The following DLG2 variants were observed in gnomAD, a reference collection of about 807,000 sequenced individuals.
DLG2 encodes the protein discs large MAGUK scaffold protein 2, also known as disks large homolog 2.
Under a neutral mutation model 132.5 loss-of-function variants are expected in DLG2, and 45 were observed. The ratio of observed to expected loss-of-function variants is 0.34; its 90% CI spans 0.27 to 0.44. The LOEUF is 0.44. Among genes scored for constraint, DLG2 ranks in the 20% least tolerant of loss-of-function variants. The probability of loss-of-function intolerance (pLI) is 1.00; values close to 1 mark genes in which losing one functional copy is unlikely to be tolerated. For missense variants in DLG2, 1,045 were observed against 1,196.9 expected (o/e 0.87, Z 1.87); for synonymous variants, 424 against 419.6 (o/e 1.01, Z -0.13).
chr11:85,338,917 C>A (rs1295784096), intron 3 of DLG2, among the ~76,000 whole-genome samples: 1 of 152,016 alleles, frequency 6.6e-6, no homozygotes, highest in African/African-American at 2.4e-5. Flanking sequence ...TGGTCTCAAT[C>A]TCCTGACCTC....
chr11:84,669,531 A>G (rs753601515), intron 6 of DLG2, among the ~76,000 whole-genome samples: 3 of 152,024 alleles, frequency 2.0e-5, no homozygotes, highest in Non-Finnish European at 4.4e-5. Context: ...AAACTCCTTC[A>G]CTTCTTTTGA....
At chr11:85,387,779 AT>A (rs1386243579) in intron 3 of DLG2, among the ~76,000 whole-genome samples, 1 of 152,216 alleles carries the variant, frequency 6.6e-6, no homozygotes, top group East Asian at 1.9e-4. Context: ...TAAAATCTTT[AT>A]CTTTAAAAGT....
intron 6 of DLG2, among the ~76,000 whole-genome samples, chr11:84,959,903 G>A (rs1201889472): frequency 6.6e-6 from 1 of 152,082 alleles, no homozygotes; most frequent in Non-Finnish European, 1.5e-5. Context: ...AAAAAAAACT[G>A]GTTAAGTAAA....
At chr11:84,974,971 A>G (rs188441338) in intron 6 of DLG2, among the ~76,000 whole-genome samples, 8 of 152,350 alleles carry the variant, frequency 5.3e-5, no homozygotes, top group Non-Finnish European at 5.9e-5. Context: ...TGTGTCAGAT[A>G]TTATTCTCAG....
At chr11:83,865,520 GAA>G (rs1248203465) in intron 16 of DLG2, among the ~76,000 whole-genome samples, 1 of 151,860 alleles carries the variant, frequency 6.6e-6, no homozygotes, top group African/African-American at 2.4e-5. Flanking sequence ...AAGACTAAGA[GAA>G]AGGAGGAGGA....
chr11:84,279,237 A>T (rs2097824511), intron 7 of DLG2, among the ~76,000 whole-genome samples: 1 of 152,230 alleles, frequency 6.6e-6, no homozygotes, highest in African/African-American at 2.4e-5. Flanking sequence ...ACTGGTCATT[A>T]GAGAAATGCA....
At chr11:85,393,491 C>G (rs1475116315) in intron 3 of DLG2, among the ~76,000 whole-genome samples, 1 of 152,000 alleles carries the variant, frequency 6.6e-6, no homozygotes, top group Non-Finnish European at 1.5e-5. Flanking sequence ...AAAAAGAAGT[C>G]ATTATATGAA....
chr11:84,788,751 G>T (rs2073352804), intron 6 of DLG2, among the ~76,000 whole-genome samples: 1 of 152,070 alleles, frequency 6.6e-6, no homozygotes, highest in Admixed American at 6.6e-5. Flanking sequence ...CAAACATTTT[G>T]CTCTTCAATC....
intron 6 of DLG2, among the ~76,000 whole-genome samples, chr11:84,886,166 A>G (rs1048485857): frequency 6.6e-6 from 1 of 152,150 alleles, no homozygotes; most frequent in Non-Finnish European, 1.5e-5. Flanking sequence ...ATACTGAAAT[A>G]TAAGCTAGGT....
chr11:85,533,700 C>A lies in DLG2; in HGVS notation c.40+64957G>T, dbSNP rs552500707. On this transcript the variant is annotated intron_variant, in intron 3 of 27. Transcript: ENST00000376104. ...CCACAGCATCCAGTGGCAGGCACTT[C>A]TTTCCCCTTATTGGTTTGTTTGATC... 4.7e-4 allele frequency among the ~76,000 whole-genome samples: 72 copies of A among 152,186 alleles called. 1 individual carries two copies. The highest frequency in any genetic ancestry group is 3.4e-3 in the Middle Eastern group (1 of 294).
intron 9 of DLG2, among the ~76,000 whole-genome samples, chr11:84,104,581 A>G (rs1211255469): frequency 6.6e-6 from 1 of 152,136 alleles, no homozygotes; most frequent in Non-Finnish European, 1.5e-5. Flanking sequence ...AAAGTTATAA[A>G]TTAAAAATAA....
chr11:84,676,357 C>T (rs989910267), intron 6 of DLG2, among the ~76,000 whole-genome samples: 1 of 151,916 alleles, frequency 6.6e-6, no homozygotes, highest in Non-Finnish European at 1.5e-5. Flanking sequence ...TTAAGAGAAC[C>T]TATGTTTCCA....
chr11:83,985,870 C>A (rs555375737), intron 11 of DLG2, among the ~76,000 whole-genome samples: 15 of 152,052 alleles, frequency 9.9e-5, no homozygotes, highest in African/African-American at 3.6e-4. Flanking sequence ...TGGATATATA[C>A]CCAGTGATGG....
At chr11:83,616,565 A>G (rs1205336649) in intron 19 of DLG2, among the ~76,000 whole-genome samples, 4 of 151,718 alleles carry the variant, frequency 2.6e-5, no homozygotes, top group East Asian at 1.9e-4. Flanking sequence ...TCTTTTCCAG[A>G]TGTCTGGATT....
At chr11:84,742,298 A>C (rs1046923792) in intron 6 of DLG2, among the ~76,000 whole-genome samples, 1 of 152,190 alleles carries the variant, frequency 6.6e-6, no homozygotes, top group African/African-American at 2.4e-5. Context: ...AGAAGCTCAA[A>C]AAATCCCAAA....
chr11:85,502,767 T>C (rs948008515), intron 3 of DLG2, among the ~76,000 whole-genome samples: 2 of 152,092 alleles, frequency 1.3e-5, no homozygotes, highest in African/African-American at 2.4e-5. Flanking sequence ...CATATACCTA[T>C]GTAACAAACC....
Position 84,596,231 on chromosome 11 carries a change from G to A in DLG2, c.358-61500C>T, listed in dbSNP as rs1313330079. Among the ~76,000 whole-genome samples, 4 of 148,060 alleles carry A rather than the reference G, an allele frequency of 2.7e-5. 1 individual carries two copies. Among genetic ancestry groups the A allele is most frequent in the African/African-American group, 1.0e-4 (4 of 39,612 alleles). On this transcript the variant is annotated intron_variant, in intron 6 of 27. Coordinates refer to ENST00000376104, the MANE Select transcript of DLG2 (RefSeq NM_001142699.3). Reference sequence around the variant, plus strand: ...CTCTCTCTCTCTCTTTCTCTTGACGGAGCTTTGCTCTTATCACCCAGGTTG... The same window carrying A: ...CTCTCTCTCTCTCTTTCTCTTGACGAAGCTTTGCTCTTATCACCCAGGTTG...
intron 7 of DLG2, among the ~76,000 whole-genome samples, chr11:84,280,867 A>ATTTTTTTTTTTTT (rs35970331): frequency 8.9e-5 from 6 of 67,708 alleles, no homozygotes; most frequent in Admixed American, 2.2e-4. Flanking sequence ...TGCCCAGCCA[A>ATTTTTTTTTTTTT]TTTTTTTTTT....
At chr11:84,211,927 T>C (rs1263747402) in intron 8 of DLG2, among the ~76,000 whole-genome samples, 5 of 152,198 alleles carry the variant, frequency 3.3e-5, no homozygotes, top group African/African-American at 1.2e-4. Flanking sequence ...TTCTATTCTA[T>C]ATAAGAGGAT....
Sources: gnomAD v4.1 joint callset for allele counts (sites outside exome capture counted in the v4.1 genomes callset) on GRCh38, gnomAD v4.1.1 for gene constraint, MANE v1.5 for transcripts, NCBI Gene and HGNC (gene_info 2026-07-23, HGNC 2026-07-21) for gene names.